The following GPC6 variants were observed in gnomAD, a reference collection of about 807,000 sequenced individuals.
The protein encoded by GPC6 is glypican-6.
A neutral mutation model predicts 55.2 loss-of-function variants in GPC6; 14 were observed. That is an observed-to-expected ratio of 0.25 (90% CI 0.17 to 0.40). The LOEUF is 0.40. Among genes scored for constraint, GPC6 ranks in the 10% least tolerant of loss-of-function variants. The probability of loss-of-function intolerance (pLI) is 1.00; values close to 1 mark genes in which losing one functional copy is unlikely to be tolerated. For synonymous variants in GPC6, 278 were observed against 259.6 expected, an observed-to-expected ratio of 1.07 and a Z score of -0.68; for missense variants, 641 against 708.5, an observed-to-expected ratio of 0.90 and a Z score of 1.08.
At chr13:94,221,727 T>A (rs1890390067) in intron 4 of GPC6, among the ~76,000 whole-genome samples, 1 of 152,076 alleles carries the variant, frequency 6.6e-6, no homozygotes, top group African/African-American at 2.4e-5. Flanking sequence ...TTTATCTTTC[T>A]GGAAAAAAAA....
intron 2 of GPC6, among the ~76,000 whole-genome samples, chr13:93,736,962 A>G (rs1206509549): frequency 6.6e-6 from 1 of 152,206 alleles, no homozygotes; most frequent in Admixed American, 6.5e-5. Flanking sequence ...TAGTTTTATG[A>G]GAAAATAAAG....
chr13:93,449,925 C>CTT (rs36091028), intron 1 of GPC6, among the ~76,000 whole-genome samples: 7 of 149,920 alleles, frequency 4.7e-5, no homozygotes, highest in East Asian at 1.9e-4. Flanking sequence ...ATGTTCCACT[C>CTT]TTTTTTTTTT....
intron 2 of GPC6, among the ~76,000 whole-genome samples, chr13:93,680,972 T>A (rs1456962860): frequency 6.6e-6 from 1 of 152,140 alleles, no homozygotes; most frequent in African/African-American, 2.4e-5. Flanking sequence ...GGAAGCAGTT[T>A]CAAGAATACA....
intron 1 of GPC6, among the ~76,000 whole-genome samples, chr13:93,445,647 C>T (rs1251518407): frequency 6.6e-6 from 1 of 152,188 alleles, no homozygotes; most frequent in Non-Finnish European, 1.5e-5. Flanking sequence ...CACTAACTTG[C>T]ATTTAATTCT....
intron 2 of GPC6, among the ~76,000 whole-genome samples, chr13:93,765,263 G>GTCTGGAAAGACAACTTTCCAGATAAGCTT: frequency 1.3e-5 from 2 of 152,004 alleles, no homozygotes; most frequent in Non-Finnish European, 2.9e-5. Context: ...CAGATAAGCT[G>GTCTGGAAAGACAACTTTCCAGATAAGCTT]TCTGGAAAGA....
intron 1 of GPC6, among the ~76,000 whole-genome samples, chr13:93,494,523 A>G (rs1265072800): frequency 6.6e-6 from 1 of 152,192 alleles, no homozygotes; most frequent in Non-Finnish European, 1.5e-5. Flanking sequence ...GTCCATTTAC[A>G]TTTAAAGTTA....
intron 2 of GPC6, among the ~76,000 whole-genome samples, chr13:93,556,370 A>C (rs982410733): frequency 1.4e-5 from 1 of 71,018 alleles, no homozygotes; most frequent in Non-Finnish European, 2.6e-5. Flanking sequence ...TTTGTGGGTA[A>C]ATAGTGTGTG....
At chr13:93,925,843 C>A (rs1877829898) in intron 3 of GPC6, among the ~76,000 whole-genome samples, 1 of 152,146 alleles carries the variant, frequency 6.6e-6, no homozygotes, top group South Asian at 2.1e-4. Context: ...GGCTGAGTTC[C>A]TTGGATCTTC....
intron 1 of GPC6, among the ~76,000 whole-genome samples, chr13:93,495,666 T>C (rs1407951992): frequency 8.6e-6 from 1 of 116,268 alleles, no homozygotes; most frequent in Non-Finnish European, 1.8e-5. Flanking sequence ...TATCTACTTT[T>C]GGTCTTTGAT....
intron 5 of GPC6, among the ~76,000 whole-genome samples, chr13:94,296,953 TTAA>T (rs146965670): frequency 0.047 from 7,157 of 152,244 alleles, 293 homozygotes; most frequent in East Asian, 0.18. Flanking sequence ...AACTTAATTT[TTAA>T]TAATCAATGC....
At chr13:93,410,119 G>A (rs531318588) in intron 1 of GPC6, among the ~76,000 whole-genome samples, 1 of 152,120 alleles carries the variant, frequency 6.6e-6, no homozygotes, top group Non-Finnish European at 1.5e-5. Context: ...ACCTCTTTCA[G>A]TACTATTGGA....
intron 1 of GPC6, among the ~76,000 whole-genome samples, chr13:93,294,929 A>ATTTGT (rs1405469018): frequency 6.6e-6 from 1 of 151,480 alleles, no homozygotes; most frequent in Non-Finnish European, 1.5e-5. Context: ...TTGTGTTTTC[A>ATTTGT]TTTGTTTTCT....
At chr13:93,382,367 C>T (rs941388969) in intron 1 of GPC6, among the ~76,000 whole-genome samples, 3 of 152,072 alleles carry the variant, frequency 2.0e-5, no homozygotes, top group African/African-American at 4.8e-5. Context: ...AAACTAGGAC[C>T]GCATCACTTT....
intron 2 of GPC6, among the ~76,000 whole-genome samples, chr13:93,577,445 T>A (rs574270877): frequency 6.6e-6 from 1 of 152,264 alleles, no homozygotes; most frequent in Non-Finnish European, 1.5e-5. Flanking sequence ...ATACATTGAC[T>A]TTGTGGGAAG....
chr13:93,895,744 A>G (rs1240388731), intron 3 of GPC6, among the ~76,000 whole-genome samples: 1 of 152,078 alleles, frequency 6.6e-6, no homozygotes, highest in Admixed American at 6.6e-5. Context: ...TGCAAGAAAT[A>G]ATTCTCTGTT....
chr13:94,178,951 A>C (rs1181946921), intron 4 of GPC6, among the ~76,000 whole-genome samples: 1 of 152,176 alleles, frequency 6.6e-6, no homozygotes, highest in Non-Finnish European at 1.5e-5. Flanking sequence ...ACTTGGCTGG[A>C]GCTCAGCCCT....
At chr13:94,393,526 C>G (rs1412748526) in intron 7 of GPC6, among the ~76,000 whole-genome samples, 1 of 152,138 alleles carries the variant, frequency 6.6e-6, no homozygotes, top group African/African-American at 2.4e-5. Flanking sequence ...TTGAGTGGAG[C>G]TCATTTGTGG....
At chr13:93,629,036 G>GAAAAAAAAAA (rs5805815) in intron 2 of GPC6, among the ~76,000 whole-genome samples, 1 of 137,450 alleles carries the variant, frequency 7.3e-6, no homozygotes, top group Admixed American at 7.3e-5. Flanking sequence ...CTTCTAGCCA[G>GAAAAAAAAAA]AAAAAAAAAA....
At chr13:94,339,702 T>C (rs1401861991) in intron 6 of GPC6, among the ~76,000 whole-genome samples, 1 of 150,144 alleles carries the variant, frequency 6.7e-6, no homozygotes, top group Non-Finnish European at 1.5e-5. Flanking sequence ...GAATGATCTA[T>C]GGAAACTAAA....
Sources: allele counts gnomAD v4.1 joint callset (sites outside exome capture counted in the v4.1 genomes callset), GRCh38; gene constraint gnomAD v4.1.1; transcripts MANE v1.5; gene names NCBI Gene and HGNC (gene_info 2026-07-23, HGNC 2026-07-21).